Variants in TUSC3 observed in about 807,000 individuals in gnomAD.
TUSC3 encodes tumor suppressor candidate 3.
In TUSC3, 45 loss-of-function variants were observed where a neutral mutation model predicts 44.8. The observed-to-expected ratio is 1.00, with a 90% CI of 0.79 to 1.29. The LOEUF (loss-of-function observed/expected upper bound fraction) is 1.29. Ranked by LOEUF, TUSC3 falls within the 50% of genes most tolerant of loss-of-function variation. The pLI, the probability that TUSC3 is intolerant of heterozygous loss-of-function variation, is 0.00. For missense variants in TUSC3, 519 were observed against 437.9 expected, an observed-to-expected ratio of 1.19 and a Z score of -1.65; for synonymous variants, 212 against 152.9, an observed-to-expected ratio of 1.39 and a Z score of -2.85.
chr8:15,726,430 T>C (rs890583013), intron 6 of TUSC3, among the ~76,000 whole-genome samples: 1 of 152,236 alleles, frequency 6.6e-6, no homozygotes, highest in Non-Finnish European at 1.5e-5. Flanking sequence ...GTCATGGTAA[T>C]GAATTTTGTT....
At chr8:15,681,136 T>C (rs537116998) in intron 6 of TUSC3, among the ~76,000 whole-genome samples, 2 of 151,904 alleles carry the variant, frequency 1.3e-5, no homozygotes, top group Admixed American at 1.3e-4. Flanking sequence ...TGATTTTTTT[T>C]TTTTTTTGGA....
chr8:15,516,401 C>A (rs1456964844), intron 2 of TUSC3, among the ~76,000 whole-genome samples: 1 of 152,128 alleles, frequency 6.6e-6, no homozygotes. Context: ...TTGATTACTT[C>A]AGGGCGTTAT....
chr8:15,542,000 A>ATTT (rs540766032), intron 1 of TUSC3, among the ~76,000 whole-genome samples: 10 of 145,996 alleles, frequency 6.8e-5, no homozygotes, highest in African/African-American at 1.5e-4. Context: ...ACCTTAATCA[A>ATTT]TTTTTTTTTT....
intron 6 of TUSC3, among the ~76,000 whole-genome samples, chr8:15,696,276 C>G (rs1234190619): frequency 1.3e-5 from 2 of 152,156 alleles, no homozygotes; most frequent in Non-Finnish European, 2.9e-5. Flanking sequence ...GGCCAAGGTA[C>G]AGCTCGGGAT....
At chr8:15,594,360 A>G (rs1158069355) in intron 1 of TUSC3, among the ~76,000 whole-genome samples, 2 of 152,020 alleles carry the variant, frequency 1.3e-5, no homozygotes, top group African/African-American at 4.8e-5. Context: ...CATCAGTGTC[A>G]GTTCTGGGTT....
intron 1 of TUSC3, among the ~76,000 whole-genome samples, chr8:15,617,457 C>T (rs80184697): frequency 6.6e-6 from 1 of 151,838 alleles, no homozygotes; most frequent in Non-Finnish European, 1.5e-5. Context: ...GTTTAAAAAG[C>T]CACACATTAA....
chr8:15,477,352 A>G (rs527340911), intron 1 of TUSC3, among the ~76,000 whole-genome samples: 2 of 152,324 alleles, frequency 1.3e-5, no homozygotes, highest in East Asian at 3.9e-4. Context: ...CTTAGTGTAG[A>G]GATAGTTAAT....
At chr8:15,659,917 G>GT (rs1554470105) in intron 4 of TUSC3, among the ~76,000 whole-genome samples, 3 of 151,986 alleles carry the variant, frequency 2.0e-5, no homozygotes, top group Non-Finnish European at 4.4e-5. Context: ...CGTTTAAAAC[G>GT]TTTCAGTGGT....
intron 1 of TUSC3, among the ~76,000 whole-genome samples, chr8:15,428,710 G>C (rs200135323): frequency 9.2e-5 from 14 of 152,048 alleles, no homozygotes; most frequent in South Asian, 2.1e-4. Context: ...TTGCATTTCT[G>C]TGATGGCCAG....
At chr8:15,534,331 T>G (rs149024495) in intron 2 of TUSC3, among the ~76,000 whole-genome samples, 37 of 152,278 alleles carry the variant, frequency 2.4e-4, no homozygotes, top group African/African-American at 8.4e-4. Context: ...AAATTTCTCA[T>G]GGTTAAAATA....
chr8:15,734,993 T>C, intron 7 of TUSC3, among the ~76,000 whole-genome samples: 1 of 152,214 alleles, frequency 6.6e-6, no homozygotes, highest in East Asian at 1.9e-4. Context: ...CAATTTTATA[T>C]ATTTGGCATT....
chr8:15,618,633 A>G (rs1178738963), intron 1 of TUSC3, among the ~76,000 whole-genome samples: 1 of 152,238 alleles, frequency 6.6e-6, no homozygotes, highest in Non-Finnish European at 1.5e-5. Flanking sequence ...GCTGTTGTAC[A>G]GTTAACTTTA....
the TUSC3 span, among the ~76,000 whole-genome samples, chr8:15,818,032 A>C: frequency 6.6e-6 from 1 of 152,224 alleles, no homozygotes; most frequent in African/African-American, 2.4e-5. Context: ...AAGAACAAGT[A>C]GCAGTCAAGA....
At chr8:15,574,704 T>G (rs950438822) in intron 1 of TUSC3, among the ~76,000 whole-genome samples, 1 of 152,154 alleles carries the variant, frequency 6.6e-6, no homozygotes, top group Non-Finnish European at 1.5e-5. Flanking sequence ...ATAGCTAACA[T>G]TTTTTCATTT....
At chr8:15,467,785 A>G (rs1800432965) in intron 1 of TUSC3, among the ~76,000 whole-genome samples, 1 of 152,062 alleles carries the variant, frequency 6.6e-6, no homozygotes, top group African/African-American at 2.4e-5. Context: ...CTTTCTTTTT[A>G]TTTATCTCTC....
chr8:15,709,250 T>G (rs2129198835), intron 6 of TUSC3, among the ~76,000 whole-genome samples: 1 of 152,024 alleles, frequency 6.6e-6, no homozygotes, highest in South Asian at 2.1e-4. Flanking sequence ...AAAAAGTTTT[T>G]ATGTTAGTAA....
chr8:15,640,476 C>T (rs1806314821), intron 2 of TUSC3, among the ~76,000 whole-genome samples: 1 of 152,214 alleles, frequency 6.6e-6, no homozygotes, highest in African/African-American at 2.4e-5. Context: ...ACGCCCAACA[C>T]ACAACCTTTT....
chr8:15,695,916 G>GGT (rs1180204980), intron 6 of TUSC3, among the ~76,000 whole-genome samples: 1 of 152,168 alleles, frequency 6.6e-6, no homozygotes, highest in Admixed American at 6.5e-5. Flanking sequence ...CAAGAAGTGA[G>GGT]GTGGGTGCTG....
chr8:15,751,512 G>C (rs1374933013), intron 9 of TUSC3, among the ~76,000 whole-genome samples: 1 of 152,052 alleles, frequency 6.6e-6, no homozygotes, highest in East Asian at 1.9e-4. Flanking sequence ...GAATTTTCTA[G>C]GAGGAAGTGA....
Sources: gnomAD v4.1 joint callset for allele counts (sites outside exome capture counted in the v4.1 genomes callset) on GRCh38, gnomAD v4.1.1 for gene constraint, MANE v1.5 for transcripts, NCBI Gene and HGNC (gene_info 2026-07-23, HGNC 2026-07-21) for gene names.